Variants in STK11IP observed in about 807,000 individuals in gnomAD.
STK11IP encodes serine/threonine kinase 11 interacting protein.
A neutral mutation model predicts 131.7 loss-of-function variants in STK11IP; 103 were observed. The observed-to-expected ratio is 0.78, with a 90% CI of 0.67 to 0.92. STK11IP has a LOEUF of 0.92. Among genes scored for constraint, STK11IP ranks in the 40% least tolerant of loss-of-function variants. STK11IP has a pLI of 0.00. For synonymous variants in STK11IP, 557 were observed against 575.6 expected (o/e 0.97, Z 0.46); for missense variants, 1,315 against 1,385.7 (o/e 0.95, Z 0.81).
Position 219,611,803 on chromosome 2 carries a change from C to T in STK11IP, c.2304C>T (p.Thr768=). ...AKNSPPQAPS[T]RDHGSWSLSP... is the part of the protein sequence containing the mutation. ...ACAGCCCACCTCAGGCACCGAGCAC[C>T]CGTGACCATGGTAGTTGGAGCCTCA... The change falls in exon 18 of 25, where the codon ACC becomes ACT. Residue 768 remains threonine, a synonymous_variant. Transcript: ENST00000456909. The T allele has an allele frequency of 6.2e-7, 1 of 1,612,912 alleles. No individual in the cohort carries two copies. The highest frequency in any genetic ancestry group is 8.5e-7 in the Non-Finnish European group (1 of 1,179,782).
rs182119561 is a variant in STK11IP, at chr2:219,600,002, C to T, written c.62-1233C>T. 7.8e-3 allele frequency among the ~76,000 whole-genome samples: 1,158 copies of T among 148,292 alleles called. 14 individuals carry two copies. Among genetic ancestry groups the T allele is most frequent in the African/African-American group, 0.025 (1,001 of 40,118 alleles). On this transcript the variant is annotated intron_variant, in intron 2 of 24. Transcript: ENST00000456909. ...CCACCCGCCTTGGCCTCCCAAAGTG[C>T]TGGGATTACAGGCGTGAGCCACCAC...
Position 219,609,230 on chromosome 2 carries a change from TG to T in STK11IP, c.1926+22del. 2 of 1,585,178 alleles carry T rather than the reference TG, an allele frequency of 1.3e-6. No homozygotes were observed. The highest frequency in any genetic ancestry group is 1.8e-5 in the Admixed American group (1 of 55,328). On this transcript the variant is annotated intron_variant, in intron 16 of 24. Coordinates refer to ENST00000456909, the MANE Select transcript of STK11IP (RefSeq NM_052902.4). ...GCTGTCCAGGTGATGGCGCCCAGAG[TG>T]GGGGCCCAGGAGGCTGTGGGGATTA...
rs369023301 is a variant in STK11IP, at chr2:219,601,284, A to G, written c.111A>G (p.Thr37=). Reference sequence around the variant, plus strand: ...GCACCCTGAGCCTGCTGACTCCCACACTGCAACAGCTGAACCACGTATTTG... The same window carrying G: ...GCACCCTGAGCCTGCTGACTCCCACGCTGCAACAGCTGAACCACGTATTTG... The part of the protein sequence containing the change: ...GCSTLSLLTP[T]LQQLNHVFEL... Residue 37 remains threonine (T), a synonymous_variant, in exon 3 of 25, where the codon ACA becomes ACG. Transcript: ENST00000456909. 187 of 1,614,048 alleles carry G rather than the reference A, an allele frequency of 1.2e-4. 2 individuals carry two copies. In the South Asian group the frequency reaches 1.5e-3, roughly 13 times the overall value.
Position 219,606,729 on chromosome 2 carries a change from G to A in STK11IP, c.1005G>A (p.Gly335=), listed in dbSNP as rs1231321241. The change falls in exon 12 of 25, where the codon GGG becomes GGA. Residue 335 remains glycine, a synonymous_variant. Transcript: ENST00000456909. ...LTDFQTHTSL[G]LSPMGPPLPW... The stretch of plus-strand genomic sequence containing the variant: ...CGTGCCAGACTCACACATCCTTGGG[G>A]CTCAGCCCCATGGGCCCACCTTTGC... 1.6e-5 allele frequency: 26 copies of A among 1,612,038 alleles called. 1 individual carries two copies. Among genetic ancestry groups the A allele is most frequent in the Non-Finnish European group, 2.0e-5 (24 of 1,178,876 alleles).
intron 17 of STK11IP, among the ~76,000 whole-genome samples, chr2:219,611,226 C>G (rs1206477235): frequency 2.6e-5 from 4 of 152,230 alleles, no homozygotes; most frequent in Non-Finnish European, 5.9e-5. Flanking sequence ...CTCTGCCTTT[C>G]CAGACCTGTT....
rs893084001 is a variant in STK11IP, at chr2:219,608,185, C to T, written c.1358C>T (p.Pro453Leu). 6.2e-7 allele frequency: 1 copy of T among 1,613,666 alleles called. No homozygotes were observed. The highest frequency in any genetic ancestry group is 8.5e-7 in the Non-Finnish European group (1 of 1,179,902). ...CCGGCCACCCCCACTACTTCTGCAC[C>T]CAGTGCACCTCCAGCCAGCTCCCAG... ...PLPATPTTSA[P>L]SAPPASSQGP... The change falls in exon 14 of 25, where the codon CCC (proline) becomes CTC (leucine). Residue 453 changes from proline (P) to leucine (L), a missense_variant. Pro to Leu is a moderately conservative substitution (Grantham distance 98). Coordinates refer to ENST00000456909, the MANE Select transcript of STK11IP (RefSeq NM_052902.4).
rs770696759 is a variant in STK11IP at position 219,608,594 on chromosome 2, C to T, written c.1615C>T (p.Arg539Cys). The T allele has an allele frequency of 4.5e-5, 71 of 1,595,442 alleles. No individual in the cohort carries two copies. The highest frequency in any genetic ancestry group is 5.5e-5 in the Non-Finnish European group (64 of 1,169,154). ...DQKEVEAELC[R>C]PLLVCPLEGP... is the part of the protein sequence containing the mutation. ...TGGTCTCTCCACAGCGGAACTCTGT[C>T]GCCCCTTGTTGGTGTGTCCCCTGGA... Residue 539 changes from arginine (R) to cysteine (C), a missense_variant, in exon 15 of 25, where the codon CGC becomes TGC. Physicochemically the swap from Arg to Cys is radical, Grantham distance 180. Transcript: ENST00000456909.
intron 2 of STK11IP, among the ~76,000 whole-genome samples, chr2:219,600,663 C>G (rs1697956321): frequency 6.6e-6 from 1 of 152,172 alleles, no homozygotes; most frequent in African/African-American, 2.4e-5. Context: ...TAACAGACAG[C>G]AATAACAATG....
In STK11IP at chr2:219,609,176, A is replaced by G. The variant is rs749586079; in HGVS notation, c.1889A>G (p.Tyr630Cys). The change falls in exon 16 of 25, where the codon TAT becomes TGT. Residue 630 changes from tyrosine to cysteine, a missense_variant. Tyr to Cys is a radical substitution (Grantham distance 194). Transcript: ENST00000456909. ...TGCCCTGACCGGCAGTTGCGTCGCT[A>G]TTTGGTGCTGGAGCCTGATGCCCAC... ...YICPDRQLRR[Y>C]LVLEPDAHAA... 3.1e-6 allele frequency: 5 copies of G among 1,609,708 alleles called. No homozygotes were observed. Among genetic ancestry groups the G allele is most frequent in the South Asian group, 1.1e-5 (1 of 89,984 alleles).
intron 24 of STK11IP, 50 bp from the exon 25 acceptor site, chr2:219,615,994 C>T: frequency 6.2e-7 from 1 of 1,600,150 alleles, no homozygotes; most frequent in Non-Finnish European, 8.5e-7. Context: ...TTGTACCCAC[C>T]CTGGTGTGGT....
intron 7 of STK11IP, among the ~76,000 whole-genome samples, chr2:219,604,886 A>T (rs1698099169): frequency 1.3e-5 from 2 of 151,686 alleles, no homozygotes; most frequent in South Asian, 4.2e-4. Context: ...CTGGAGTGCA[A>T]TGGCACGATC....
rs960776445 is a variant in STK11IP at position 219,616,270 on chromosome 2, T to G, written c.*77T>G. 1.4e-5 allele frequency: 21 copies of G among 1,510,776 alleles called. No individual in the cohort carries two copies. The highest frequency in any genetic ancestry group is 1.7e-5 in the Non-Finnish European group (19 of 1,125,278). 93.6% of individuals were successfully genotyped at this position (1,510,776 alleles called of 1,614,324 possible). A position where few individuals can be genotyped will look rare whatever the true frequency, so the allele number is the denominator to read the frequency against. On this transcript the variant is annotated 3_prime_UTR_variant, in exon 25 of 25. Transcript: ENST00000456909. Reference sequence around the variant, plus strand: ...CCCTCTCCTGGTCTCTGGGTCTGGCTTCCAGGCTCTGGCTGTGGATGTCTT... The same window carrying G: ...CCCTCTCCTGGTCTCTGGGTCTGGCGTCCAGGCTCTGGCTGTGGATGTCTT...
chr2:219,598,393 C>A, intron 2 of STK11IP: 1 of 480,594 alleles, frequency 2.1e-6, no homozygotes. Flanking sequence ...GGCCAAAGGG[C>A]GGTATCCCTC....
chr2:219,605,741 G>A lies in STK11IP; in HGVS notation c.745+7G>A, dbSNP rs2106153050. ...GAGCTTCGGAGCCTGCATGGTGAGT[G>A]GGGGTGTGTGATGGGGCAAGCATGG... is the stretch of plus-strand genomic sequence containing the variant. On this transcript the variant is annotated splice_region_variant and intron_variant, in intron 8 of 24. Coordinates refer to ENST00000456909, the MANE Select transcript of STK11IP (RefSeq NM_052902.4). 6.3e-7 allele frequency: 1 copy of A among 1,597,236 alleles called. No homozygotes were observed. Among genetic ancestry groups the A allele is most frequent in the South Asian group, 1.1e-5 (1 of 88,346 alleles).
Position 219,601,381 on chromosome 2 carries a change from C to G in STK11IP, c.208C>G (p.Pro70Ala), listed in dbSNP as rs1288772585. The change falls in exon 3 of 25, where the codon CCT (proline) becomes GCT (alanine). Residue 70 changes from proline (P) to alanine (A), a missense_variant. By Grantham distance (27) the Pro-to-Ala change is conservative (BLOSUM62 -1). Transcript: ENST00000456909. ...TCTGCCCTCCCATCCTGCCGACTCC[C>G]CTGTTATTCTTCAGCTTCAGTTTCT... Reference protein sequence around the residue: ...VALPSHPADSPVILQLQFLFD... With the variant: ...VALPSHPADSAVILQLQFLFD... 1 of 1,614,062 alleles carries G rather than the reference C, an allele frequency of 6.2e-7. No homozygotes were observed. Among genetic ancestry groups the G allele is most frequent in the Non-Finnish European group, 8.5e-7 (1 of 1,179,914 alleles).
In STK11IP at chr2:219,602,538, T is replaced by G; in HGVS notation, c.509T>G (p.Phe170Cys). The G allele has an allele frequency of 1.2e-6, 2 of 1,614,014 alleles. No individual in the cohort carries two copies. The highest frequency in any genetic ancestry group is 1.7e-6 in the Non-Finnish European group (2 of 1,179,886). ...TGGCTGGCTCTGCTTTCTGCCAACT[T>G]CAGCTACAATGCACTGACCGCCTTA... ...LPWLALLSAN[F>C]SYNALTALDS... The change falls in exon 6 of 25, where the codon TTC becomes TGC. Residue 170 changes from phenylalanine to cysteine, a missense_variant. Physicochemically the swap from Phe to Cys is radical, Grantham distance 205. Coordinates refer to ENST00000456909, the MANE Select transcript of STK11IP (RefSeq NM_052902.4).
At chr2:219,600,958 C>T (rs757079007) in intron 2 of STK11IP, among the ~76,000 whole-genome samples, 1 of 152,126 alleles carries the variant, frequency 6.6e-6, no homozygotes, top group African/African-American at 2.4e-5. Context: ...GTAGATGAGG[C>T]TCTTTTGAGC....
At chr2:219,611,572 G>A in intron 17 of STK11IP, 32 bp from the exon 18 acceptor site, 1 of 1,552,886 alleles carries the variant, frequency 6.4e-7, no homozygotes, top group Non-Finnish European at 8.9e-7. Flanking sequence ...TGTGGGGGGG[G>A]CTCATGGGGA....
In STK11IP at chr2:219,609,511, A is replaced by C; in HGVS notation, c.2075A>C (p.Glu692Ala). ...EEPRMGLDSEEGWRPLFQKTE... is the reference protein window; with the variant it reads ...EEPRMGLDSEAGWRPLFQKTE... Reference sequence around the variant, plus strand: ...CCCAGGATGGGATTAGACAGTGAGGAAGGCTGGAGGCCTCTGTTCCAAAAG... The same window carrying C: ...CCCAGGATGGGATTAGACAGTGAGGCAGGCTGGAGGCCTCTGTTCCAAAAG... Residue 692 changes from glutamate to alanine, a missense_variant, in exon 17 of 25, where the codon GAA becomes GCA. Physicochemically the swap from Glu to Ala is moderately radical, Grantham distance 107. Coordinates refer to ENST00000456909, the MANE Select transcript of STK11IP (RefSeq NM_052902.4). 1 of 1,584,720 alleles carries C rather than the reference A, an allele frequency of 6.3e-7. No individual in the cohort carries two copies. The highest frequency in any genetic ancestry group is 8.6e-7 in the Non-Finnish European group (1 of 1,164,892).
Sources: gnomAD v4.1 joint callset for allele counts (sites outside exome capture counted in the v4.1 genomes callset) on GRCh38, gnomAD v4.1.1 for gene constraint, MANE v1.5 for transcripts, NCBI Gene and HGNC (gene_info 2026-07-23, HGNC 2026-07-21) for gene names.